TNFAIP8L3: variants seen among roughly 807,000 people sequenced by gnomAD.
TNFAIP8L3 encodes the protein TNF alpha induced protein 8 like 3, also known as tumor necrosis factor alpha-induced protein 8-like protein 3.
A neutral mutation model predicts 11.8 loss-of-function variants in TNFAIP8L3; 7 were observed. The ratio of observed to expected loss-of-function variants is 0.59; its 90% CI spans 0.34 to 1.11. TNFAIP8L3 has a LOEUF of 1.11. TNFAIP8L3 is among the 50% of genes most tolerant of loss of function. The pLI is 0.03. For synonymous variants in TNFAIP8L3, 98 were observed against 103.8 expected, an observed-to-expected ratio of 0.94 and a Z score of 0.34; for missense variants, 219 against 258.6, an observed-to-expected ratio of 0.85 and a Z score of 1.05.
chr15:51,067,568 C>G (rs2065280372), intron 1 of TNFAIP8L3, among the ~76,000 whole-genome samples: 1 of 152,230 alleles, frequency 6.6e-6, no homozygotes, highest in Non-Finnish European at 1.5e-5. Context: ...GATTTGGGCC[C>G]CACTGTTGTG....
At chr15:51,078,237 T>C (rs1297287373) in intron 1 of TNFAIP8L3, among the ~76,000 whole-genome samples, 1 of 150,362 alleles carries the variant, frequency 6.7e-6, no homozygotes, top group Non-Finnish European at 1.5e-5. Flanking sequence ...AATCTTGTAA[T>C]TGGCCCTGAG....
At chr15:51,104,929 C>A in intron 1 of TNFAIP8L3, 1 of 1,584,268 alleles carries the variant, frequency 6.3e-7, no homozygotes, top group African/African-American at 1.3e-5. Context: ...ATCCTCAGCT[C>A]GCCACCTTGC....
In TNFAIP8L3 at chr15:51,083,769, AGGCTAG is replaced by A. The variant is rs530697991; in HGVS notation, c.52+10769_52+10774del. On this transcript the variant is annotated intron_variant, in intron 1 of 1. Transcript: ENST00000637513. ...GAGGCACCAGAGAAAGCAAGGGCTG[AGGCTAG>A]GGCAGGGGGTGAACAGGGCAGAAGG... Among the ~76,000 whole-genome samples, 389 of 152,320 alleles carry A rather than the reference AGGCTAG, an allele frequency of 2.6e-3. 3 individuals carry two copies. Among genetic ancestry groups the A allele is most frequent in the African/African-American group, 9.1e-3 (379 of 41,562 alleles).
chr15:51,096,891 C>CAAAAAAAAAAAAAAAAAAAA (rs56057102), upstream of TNFAIP8L3, among the ~76,000 whole-genome samples: 5 of 98,272 alleles, frequency 5.1e-5, no homozygotes, highest in Non-Finnish European at 8.3e-5. Flanking sequence ...CACGCTGTCT[C>CAAAAAAAAAAAAAAAAAAAA]AAAAAAAAAA....
intron 1 of TNFAIP8L3, among the ~76,000 whole-genome samples, chr15:51,064,030 G>A (rs890535690): frequency 6.6e-6 from 1 of 152,176 alleles, no homozygotes; most frequent in African/African-American, 2.4e-5. Flanking sequence ...CTTCTACAGT[G>A]AGGGCTCAGG....
chr15:51,100,761 G>A (rs1195943317), intron 1 of TNFAIP8L3, among the ~76,000 whole-genome samples: 8 of 150,798 alleles, frequency 5.3e-5, no homozygotes, highest in Non-Finnish European at 7.4e-5. Flanking sequence ...TCAGGCTGGA[G>A]AAGGAAAAAA....
At chr15:51,071,437 C>T (rs1023055355) in intron 1 of TNFAIP8L3, among the ~76,000 whole-genome samples, 2 of 152,234 alleles carry the variant, frequency 1.3e-5, no homozygotes, top group Non-Finnish European at 2.9e-5. Context: ...CATCTATCCA[C>T]GTTTTTATGC....
At chr15:51,097,995 C>G (rs1317342224), upstream of TNFAIP8L3, among the ~76,000 whole-genome samples, 1 of 152,206 alleles carries the variant, frequency 6.6e-6, no homozygotes, top group African/African-American at 2.4e-5. Flanking sequence ...AGTGTTTCCA[C>G]TACATCTTTT....
intron 1 of TNFAIP8L3, among the ~76,000 whole-genome samples, chr15:51,077,443 C>A (rs918371260): frequency 4.6e-5 from 7 of 152,236 alleles, no homozygotes; most frequent in Non-Finnish European, 1.0e-4. Flanking sequence ...TTGCTCAGCG[C>A]AGCTCCTCCC....
At chr15:51,075,357 C>T (rs954305944) in intron 1 of TNFAIP8L3, among the ~76,000 whole-genome samples, 70 of 152,162 alleles carry the variant, frequency 4.6e-4, no homozygotes, top group African/African-American at 1.7e-3. Context: ...TGTTCAGTTC[C>T]AGCAGTAAAC....
chr15:51,081,743 A>G (rs183773105), intron 1 of TNFAIP8L3, among the ~76,000 whole-genome samples: 41 of 152,348 alleles, frequency 2.7e-4, no homozygotes, highest in Non-Finnish European at 6.0e-4. Context: ...TCGGCACATC[A>G]CTGACCTCCC....
intron 1 of TNFAIP8L3, among the ~76,000 whole-genome samples, chr15:51,070,361 A>G (rs1463221127): frequency 6.6e-5 from 10 of 152,230 alleles, no homozygotes; most frequent in Admixed American, 6.5e-4. Context: ...GCATCTAACA[A>G]ATAACTAGTG....
At chr15:51,072,017 T>C (rs1367225529) in intron 1 of TNFAIP8L3, among the ~76,000 whole-genome samples, 2 of 152,256 alleles carry the variant, frequency 1.3e-5, no homozygotes, top group African/African-American at 2.4e-5. Flanking sequence ...GAATTATATA[T>C]ATTTTTCTTT....
chr15:51,072,357 C>T (rs567999369), intron 1 of TNFAIP8L3, among the ~76,000 whole-genome samples: 2 of 152,292 alleles, frequency 1.3e-5, no homozygotes, highest in East Asian at 3.9e-4. Context: ...TCAGGCTGAT[C>T]TCGAACTCCT....
Position 51,094,334 on chromosome 15 carries a change from C to A in TNFAIP8L3, c.52+210G>T, listed in dbSNP as rs908257456. 2.0e-5 allele frequency among the ~76,000 whole-genome samples: 3 copies of A among 152,272 alleles called. No homozygotes were observed. The East Asian group carries it at 5.8e-4, about 30-fold the overall frequency. Reference sequence around the variant, plus strand: ...GCGGGAGACTGGCAGCAAGGAGAGCCACCCCTAAATGCACCTTCCCTCCCT... The same window carrying A: ...GCGGGAGACTGGCAGCAAGGAGAGCAACCCCTAAATGCACCTTCCCTCCCT... On this transcript the variant is annotated intron_variant, in intron 1 of 1. Coordinates refer to ENST00000637513, the MANE Select transcript of TNFAIP8L3 (RefSeq NM_001311175.2). The surrounding 1 kb of genome is among the most constrained non-coding windows in gnomAD (Gnocchi z 4.4).
intron 1 of TNFAIP8L3, among the ~76,000 whole-genome samples, chr15:51,065,471 G>A (rs2065264606): frequency 6.6e-6 from 1 of 152,196 alleles, no homozygotes; most frequent in Non-Finnish European, 1.5e-5. Context: ...CAAGCTAATG[G>A]TGATAAACAA....
At chr15:51,066,638 G>A (rs1489501814) in intron 1 of TNFAIP8L3, among the ~76,000 whole-genome samples, 11 of 152,152 alleles carry the variant, frequency 7.2e-5, no homozygotes, top group Admixed American at 6.5e-4. Flanking sequence ...TCTGTTCTGT[G>A]GGTGAATGAT....
chr15:51,075,390 C>T (rs2065342781), intron 1 of TNFAIP8L3, among the ~76,000 whole-genome samples: 1 of 152,158 alleles, frequency 6.6e-6, no homozygotes, highest in Admixed American at 6.5e-5. Context: ...GCAGAAGCAC[C>T]CCTCCTTCCT....
At chr15:51,064,810 T>C (rs2065260070) in intron 1 of TNFAIP8L3, 1 of 152,244 alleles carries the variant, frequency 6.6e-6, no homozygotes, top group Non-Finnish European at 1.5e-5. Flanking sequence ...CAAGGAGGAA[T>C]ACTGCAGGCT....
Sources: gnomAD v4.1 joint callset for allele counts (sites outside exome capture counted in the v4.1 genomes callset) on GRCh38, gnomAD v4.1.1 for gene constraint, Gnocchi (gnomAD v3.1) non-coding constraint, MANE v1.5 for transcripts, NCBI Gene and HGNC (gene_info 2026-07-23, HGNC 2026-07-21) for gene names.